LMNTD1: variants seen among roughly 807,000 people sequenced by gnomAD.
LMNTD1 encodes lamin tail domain containing 1.
In LMNTD1, 35 loss-of-function variants were observed where a neutral mutation model predicts 50.9. The observed-to-expected ratio is 0.69, with a 90% CI of 0.53 to 0.91. The LOEUF is 0.91. Ranked by LOEUF, LMNTD1 falls within the 40% of genes least tolerant of loss-of-function variation. The pLI is 0.00. For missense variants in LMNTD1, 470 were observed against 475.5 expected (o/e 0.99, Z 0.11); for synonymous variants, 153 against 161.9 (o/e 0.94, Z 0.42).
chr12:25,637,288 G>A (rs945196106), intron 1 of LMNTD1, among the ~76,000 whole-genome samples: 5 of 152,046 alleles, frequency 3.3e-5, no homozygotes, highest in Admixed American at 6.6e-5. Flanking sequence ...CCCAGATGTC[G>A]GAATTAGTAG....
At chr12:25,482,479 T>C (rs1008608231) in intron 9 of LMNTD1, among the ~76,000 whole-genome samples, 1 of 152,016 alleles carries the variant, frequency 6.6e-6, no homozygotes, top group African/African-American at 2.4e-5. Flanking sequence ...TTAATACAGA[T>C]CTGTTGACCC....
intron 1 of LMNTD1, among the ~76,000 whole-genome samples, chr12:25,640,503 CAAAA>C (rs199647514): frequency 8.8e-6 from 1 of 113,470 alleles, no homozygotes. Context: ...GAGACTGTCT[CAAAA>C]AAAAAAAAAA....
intron 1 of LMNTD1, among the ~76,000 whole-genome samples, chr12:25,580,911 G>T (rs921029269): frequency 6.6e-6 from 1 of 152,126 alleles, no homozygotes; most frequent in Non-Finnish European, 1.5e-5. Context: ...ATGGGGAAAT[G>T]GATACCTCCC....
chr12:25,544,921 A>G (rs1943336534), intron 4 of LMNTD1, among the ~76,000 whole-genome samples: 1 of 151,792 alleles, frequency 6.6e-6, no homozygotes, highest in Admixed American at 6.6e-5. Context: ...GTATTTTTAT[A>G]CTGCCTATCT....
At chr12:25,499,869 G>C (rs747617234) in intron 9 of LMNTD1, 1 of 152,154 alleles carries the variant, frequency 6.6e-6, no homozygotes, top group South Asian at 2.1e-4. Flanking sequence ...AGCGGAACCC[G>C]CTACGTTTGC....
intron 6 of LMNTD1, 32 bp from the exon 7 acceptor site, chr12:25,520,107 G>T: frequency 7.8e-7 from 1 of 1,288,864 alleles, no homozygotes; most frequent in Non-Finnish European, 1.1e-6. Flanking sequence ...TGTTGGCTAT[G>T]TATATTTGAG....
intron 1 of LMNTD1, chr12:25,648,481 A>G: frequency 6.5e-7 from 1 of 1,550,382 alleles, no homozygotes. Flanking sequence ...TCCAGCATTC[A>G]TTTCTCACTT....
intron 8 of LMNTD1, among the ~76,000 whole-genome samples, chr12:25,505,193 GT>G (rs59795018): frequency 0.18 from 27,907 of 151,116 alleles, 2,737 homozygotes; most frequent in Middle Eastern, 0.24. Context: ...GCAATTTTGG[GT>G]TTTTTTTTGA....
chr12:25,541,401 C>T (rs1943062434), intron 4 of LMNTD1, among the ~76,000 whole-genome samples: 1 of 146,960 alleles, frequency 6.8e-6, no homozygotes, highest in Admixed American at 7.0e-5. Context: ...GAACAGAGCC[C>T]TCAGAAATAA....
chr12:25,620,488 A>G (rs1946448263), intron 1 of LMNTD1, among the ~76,000 whole-genome samples: 2 of 152,138 alleles, frequency 1.3e-5, no homozygotes, highest in Non-Finnish European at 2.9e-5. Context: ...GTGGTAAAGT[A>G]TACCTTTTCA....
chr12:25,585,561 A>G (rs556784320), intron 1 of LMNTD1, among the ~76,000 whole-genome samples: 7 of 152,320 alleles, frequency 4.6e-5, no homozygotes, highest in Admixed American at 2.6e-4. Flanking sequence ...TTTTCCCCCC[A>G]GGTAAAATCT....
intron 1 of LMNTD1, among the ~76,000 whole-genome samples, chr12:25,595,605 T>C (rs953969760): frequency 3.3e-5 from 5 of 152,072 alleles, no homozygotes; most frequent in Admixed American, 3.3e-4. Flanking sequence ...GTTCATAGCC[T>C]TAAATGCCTA....
upstream of LMNTD1, among the ~76,000 whole-genome samples, chr12:25,554,789 C>A (rs979354215): frequency 3.3e-5 from 5 of 152,178 alleles, no homozygotes; most frequent in African/African-American, 1.2e-4. Context: ...TCTGGCCAGG[C>A]ACAGTGGTTC....
chr12:25,577,855 G>C (rs1463436028), intron 1 of LMNTD1, among the ~76,000 whole-genome samples: 1 of 152,108 alleles, frequency 6.6e-6, no homozygotes, highest in Non-Finnish European at 1.5e-5. Context: ...CTGCGCGTGT[G>C]AGGCATCAGG....
chr12:25,481,048 C>A (rs996786306), intron 9 of LMNTD1, among the ~76,000 whole-genome samples: 1 of 150,280 alleles, frequency 6.7e-6, no homozygotes, highest in Non-Finnish European at 1.5e-5. Flanking sequence ...TTATACCCCC[C>A]TCTTATTCCT....
intron 1 of LMNTD1, among the ~76,000 whole-genome samples, chr12:25,614,641 A>G (rs1452103923): frequency 6.6e-6 from 1 of 152,216 alleles, no homozygotes; most frequent in Non-Finnish European, 1.5e-5. Context: ...CTGCGGTAGA[A>G]CAGACTTGGC....
Position 25,518,856 on chromosome 12 carries a change from G to A in LMNTD1, c.1128C>T (p.Thr376=), listed in dbSNP as rs780405714. 1.9e-6 allele frequency: 3 copies of A among 1,614,108 alleles called. No individual in the cohort carries two copies. Among genetic ancestry groups the A allele is most frequent in the Non-Finnish European group, 2.5e-6 (3 of 1,180,022 alleles). The part of the protein sequence containing the change: ...CPLIEPHNTS[T]AGGRLDRQPR... Reference sequence around the variant, plus strand: ...GCTGTCTATCCAATCTGCCTCCAGCGGTGGATGTATTGTGTGGTTCAATCA... The same window carrying A: ...GCTGTCTATCCAATCTGCCTCCAGCAGTGGATGTATTGTGTGGTTCAATCA... Residue 376 remains threonine (T), a synonymous_variant, in exon 8 of 10, where the codon ACC becomes ACT. Transcript: ENST00000458174.
chr12:25,541,589 T>C (rs1591964809), intron 4 of LMNTD1, among the ~76,000 whole-genome samples: 1 of 71,334 alleles, frequency 1.4e-5, no homozygotes, highest in East Asian at 4.5e-4. Context: ...ATTAAAGACT[T>C]AAATGTTAGA....
chr12:25,566,926 C>T (rs1202914527), intron 1 of LMNTD1, among the ~76,000 whole-genome samples: 1 of 152,198 alleles, frequency 6.6e-6, no homozygotes, highest in African/African-American at 2.4e-5. Context: ...ATAGAAACAT[C>T]TCCCTTGTGT....
Sources: allele counts gnomAD v4.1 joint callset (sites outside exome capture counted in the v4.1 genomes callset), GRCh38; gene constraint gnomAD v4.1.1; transcripts MANE v1.5; gene names NCBI Gene and HGNC (gene_info 2026-07-23, HGNC 2026-07-21).